RBP7: variants seen among roughly 807,000 people sequenced by gnomAD.
RBP7 encodes retinoid-binding protein 7.
RBP7 carries 13 observed loss-of-function variants against 16.7 expected under a neutral mutation model. The observed-to-expected ratio is 0.78, with a 90% CI of 0.51 to 1.24. The LOEUF (loss-of-function observed/expected upper bound fraction) is 1.24. RBP7 is among the 50% of genes most tolerant of loss of function. The probability of loss-of-function intolerance (pLI) is 0.00; values close to 1 mark genes in which losing one functional copy is unlikely to be tolerated. For missense variants in RBP7, 145 were observed against 159.5 expected, an observed-to-expected ratio of 0.91 and a Z score of 0.49; for synonymous variants, 54 against 56.2, an observed-to-expected ratio of 0.96 and a Z score of 0.17.
chr1:10,013,633 A>T (rs1254326936), intron 3 of RBP7, among the ~76,000 whole-genome samples: 1 of 152,010 alleles, frequency 6.6e-6, no homozygotes, highest in Non-Finnish European at 1.5e-5. Context: ...ACATGGTGAA[A>T]TGCTGTCTCT....
At chr1:10,014,390 C>CTTT (rs796691409) in intron 3 of RBP7, among the ~76,000 whole-genome samples, 1 of 142,102 alleles carries the variant, frequency 7.0e-6, no homozygotes, top group Non-Finnish European at 1.5e-5. Flanking sequence ...TTTCTTTTTT[C>CTTT]TTTTTTTTTT....
chr1:10,015,448 CAAA>C (rs372218937), intron 3 of RBP7, among the ~76,000 whole-genome samples: 5 of 94,736 alleles, frequency 5.3e-5, no homozygotes, highest in Middle Eastern at 5.7e-3. Context: ...GACTCCATCT[CAAA>C]AAAAAAAAAA....
chr1:9,998,443 T>C (rs1238172236), intron 1 of RBP7, among the ~76,000 whole-genome samples: 1 of 144,060 alleles, frequency 6.9e-6, no homozygotes, highest in East Asian at 2.1e-4. Flanking sequence ...AGTCTCGCTC[T>C]GTTGCCCAGG....
At chr1:9,998,470 C>G (rs571145280) in intron 1 of RBP7, among the ~76,000 whole-genome samples, 1 of 135,340 alleles carries the variant, frequency 7.4e-6, no homozygotes, top group African/African-American at 2.9e-5. Context: ...TGCAGTAGTA[C>G]GATCTCGGCT....
intron 3 of RBP7, among the ~76,000 whole-genome samples, chr1:10,011,833 G>C (rs1642626072): frequency 6.6e-6 from 1 of 152,124 alleles, no homozygotes; most frequent in African/African-American, 2.4e-5. Flanking sequence ...GAGGCAGGCG[G>C]ATCACCTGAG....
Position 9,998,093 on chromosome 1 carries a change from A to G in RBP7, c.73+762A>G, listed in dbSNP as rs140296069. Among the ~76,000 whole-genome samples, 1,164 of 152,270 alleles carry G rather than the reference A, an allele frequency of 7.6e-3. 17 individuals are homozygous for G. The highest frequency in any genetic ancestry group is 0.027 in the African/African-American group (1,125 of 41,560). ...AACCTCCGCCTCCTCGGTTCAAGCG[A>G]TTCTCCTGCCACAGCCTTCCAAGTA... On this transcript the variant is annotated intron_variant, in intron 1 of 3. Transcript: ENST00000294435.
In RBP7 at chr1:10,007,560, T is replaced by A; in HGVS notation, c.74-10T>A. The A allele has an allele frequency of 6.5e-7, 1 of 1,544,092 alleles. No homozygotes were observed. The highest frequency in any genetic ancestry group is 8.7e-7 in the Non-Finnish European group (1 of 1,145,884). On this transcript the variant is annotated splice_polypyrimidine_tract_variant and intron_variant, in intron 1 of 3. Coordinates refer to ENST00000294435, the MANE Select transcript of RBP7 (RefSeq NM_052960.3). ...CGAATGTTCAAATATTTTTAAAAAT[T>A]ATTTTTAAGGTATTGACTTTGCCAC...
intron 3 of RBP7, among the ~76,000 whole-genome samples, chr1:10,014,768 C>A (rs1642733166): frequency 6.6e-6 from 1 of 152,110 alleles, no homozygotes; most frequent in Non-Finnish European, 1.5e-5. Flanking sequence ...GCCCTTCTAG[C>A]AAATTATCAA....
chr1:10,007,977 G>A (rs1642494174), intron 2 of RBP7, among the ~76,000 whole-genome samples, 196 bp from the exon 3 acceptor site: 1 of 151,744 alleles, frequency 6.6e-6, no homozygotes, highest in African/African-American at 2.4e-5. Context: ...TTGAACCCGG[G>A]AGGTGGAGGT....
intron 1 of RBP7, among the ~76,000 whole-genome samples, chr1:9,999,554 A>AAAT (rs901155861): frequency 7.2e-5 from 11 of 151,916 alleles, no homozygotes; most frequent in Admixed American, 2.0e-4. Flanking sequence ...ACTCTGTCTA[A>AAAT]AATAATAATA....
chr1:10,001,294 C>T (rs573405497), intron 1 of RBP7, among the ~76,000 whole-genome samples: 1 of 152,192 alleles, frequency 6.6e-6, no homozygotes, highest in South Asian at 2.1e-4. Flanking sequence ...CTTGTCTTTG[C>T]ACAAAGAAGC....
In RBP7 at chr1:9,997,370, C is replaced by T. The variant is rs767144858; in HGVS notation, c.73+39C>T. The T allele has an allele frequency of 1.9e-6, 3 of 1,595,956 alleles. No homozygotes were observed. The highest frequency in any genetic ancestry group is 1.1e-5 in the South Asian group (1 of 90,070). On this transcript the variant is annotated intron_variant, in intron 1 of 3. Transcript: ENST00000294435. This position sits in a 1 kb window ranked among gnomAD's most constrained non-coding sequence, Gnocchi z 5.9. ...GAGGCGGCGGCGGCGCGAGGCTCGC[C>T]GTGGGTCTCGGGATCAGGCGAAGGC...
chr1:10,003,319 AG>A (rs1249776835), intron 1 of RBP7, among the ~76,000 whole-genome samples: 1 of 152,146 alleles, frequency 6.6e-6, no homozygotes, highest in Non-Finnish European at 1.5e-5. Flanking sequence ...TCAGCTACTC[AG>A]GAGACTGAGG....
chr1:10,006,782 G>A (rs1642454607), intron 1 of RBP7, among the ~76,000 whole-genome samples: 1 of 150,102 alleles, frequency 6.7e-6, no homozygotes, highest in Admixed American at 6.7e-5. Context: ...GAGAGAGAGA[G>A]AGGTATATAC....
Position 9,997,415 on chromosome 1 carries a change from G to A in RBP7, c.73+84G>A. ...GAAGGCGGCCGGGCCGGGCCTGTAGGTACGTCCTCTGTCCGTGCCTCCGCC... is the reference window on the plus strand; with the variant it reads ...GAAGGCGGCCGGGCCGGGCCTGTAGATACGTCCTCTGTCCGTGCCTCCGCC... On this transcript the variant is annotated intron_variant, in intron 1 of 3. Coordinates refer to ENST00000294435, the MANE Select transcript of RBP7 (RefSeq NM_052960.3). This position sits in a 1 kb window ranked among gnomAD's most constrained non-coding sequence, Gnocchi z 5.9. 7.4e-7 allele frequency: 1 copy of A among 1,345,756 alleles called. No individual in the cohort carries two copies. The highest frequency in any genetic ancestry group is 1.2e-5 in the South Asian group (1 of 83,578). 83.4% of individuals were successfully genotyped at this position (1,345,756 alleles called of 1,614,324 possible). A position where few individuals can be genotyped will look rare whatever the true frequency, so the allele number is the denominator to read the frequency against.
rs1642196692 is a variant in RBP7 at position 9,997,614 on chromosome 1, C to G, written c.73+283C>G. ...GCCCTCTGTTCCCCCGGCCGTCGGT[C>G]CCCCACCCGTCCGTCCCTGAGTGCC... On this transcript the variant is annotated intron_variant, in intron 1 of 3. Transcript: ENST00000294435. The surrounding 1 kb of genome is among the most constrained non-coding windows in gnomAD (Gnocchi z 5.9). Among the ~76,000 whole-genome samples the G allele has an allele frequency of 6.7e-6, 1 of 149,742 alleles. No individual in the cohort carries two copies. Among genetic ancestry groups the G allele is most frequent in the Non-Finnish European group, 1.5e-5 (1 of 67,274 alleles).
chr1:10,010,098 A>C (rs756530283), intron 3 of RBP7, among the ~76,000 whole-genome samples: 10 of 151,970 alleles, frequency 6.6e-5, no homozygotes, highest in Non-Finnish European at 1.3e-4. Flanking sequence ...GCTGACAACT[A>C]TTATTTTACA....
At position 10,001,805 on chromosome 1, in the gene RBP7, A is replaced by G. The variant is rs985679438; in HGVS notation, c.73+4474A>G. ...CACTGGGATATATTTATTTAATTTA[A>G]TTAGTTTATTTATTTATTTATTTAT... On this transcript the variant is annotated intron_variant, in intron 1 of 3. Transcript: ENST00000294435. 1.2e-4 allele frequency among the ~76,000 whole-genome samples: 15 copies of G among 121,676 alleles called. 1 individual carries two copies. The South Asian group carries it at 4.1e-3, about 33-fold the overall frequency. 79.8% of individuals were successfully genotyped at this position (121,676 alleles called of 152,430 possible).
intron 1 of RBP7, chr1:10,007,222 C>T: frequency 3.4e-6 from 1 of 291,472 alleles, no homozygotes; most frequent in Non-Finnish European, 6.6e-6. Flanking sequence ...GCTGGGATTA[C>T]AGGTGTGAGC....
Sources: gnomAD v4.1 joint callset for allele counts (sites outside exome capture counted in the v4.1 genomes callset) on GRCh38, gnomAD v4.1.1 for gene constraint, Gnocchi (gnomAD v3.1) non-coding constraint, MANE v1.5 for transcripts, NCBI Gene and HGNC (gene_info 2026-07-23, HGNC 2026-07-21) for gene names.